Variants in COL21A1 observed in about 807,000 individuals in gnomAD.
COL21A1 encodes collagen alpha-1(XXI) chain.
A neutral mutation model predicts 137.9 loss-of-function variants in COL21A1; 149 were observed. The observed-to-expected ratio is 1.08, with a 90% CI of 0.95 to 1.24. The LOEUF (loss-of-function observed/expected upper bound fraction) is 1.24. Ranked by LOEUF, COL21A1 falls within the 50% of genes most tolerant of loss-of-function variation. The pLI is 0.00. For synonymous variants in COL21A1, 456 were observed against 391.5 expected (o/e 1.16, Z -1.95); for missense variants, 1,167 against 1,158.4 (o/e 1.01, Z -0.11).
intron 12 of COL21A1, among the ~76,000 whole-genome samples, chr6:56,138,850 G>C (rs1315277887): frequency 1.3e-5 from 2 of 152,124 alleles, no homozygotes; most frequent in Non-Finnish European, 2.9e-5. Flanking sequence ...AGGAAGTGGG[G>C]AGGTTTGGGT....
intron 1 of COL21A1, among the ~76,000 whole-genome samples, chr6:56,297,602 C>A (rs72866990): frequency 0.014 from 2,055 of 152,202 alleles, 22 homozygotes; most frequent in Non-Finnish European, 0.021. Context: ...GCTTCATGAG[C>A]AACTGGCTGT....
Position 56,057,679 on chromosome 6 carries a change from A to C in COL21A1, c.2852T>G (p.Phe951Cys). The change falls in exon 30 of 30, where the codon TTC becomes TGC. Residue 951 changes from phenylalanine to cysteine, a missense_variant. Transcript: ENST00000244728. ...CFSVIARRDPFRKGPNY is the reference protein window; with the variant it reads ...CFSVIARRDPCRKGPNY ...ACACTAATAGTTTGGTCCTTTTCTG[A>C]ACGGATCTCTTCTGGCAATTACACT... The C allele has an allele frequency of 6.2e-7, 1 of 1,613,208 alleles. No individual in the cohort carries two copies. Among genetic ancestry groups the C allele is most frequent in the African/African-American group, 1.3e-5 (1 of 74,992 alleles).
chr6:56,074,349 A>G, intron 19 of COL21A1, 64 bp from the exon 20 acceptor site: 1 of 1,081,856 alleles, frequency 9.2e-7, no homozygotes, highest in Non-Finnish European at 1.4e-6. Context: ...TATTAAATCA[A>G]TTTCCAAGTT....
chr6:56,306,008 G>T (rs1336236497), intron 1 of COL21A1, among the ~76,000 whole-genome samples: 1 of 112,476 alleles, frequency 8.9e-6, no homozygotes, highest in Admixed American at 1.1e-4. Context: ...TAGTTTGGCT[G>T]GATATGAAAT....
chr6:56,057,439 G>A lies in COL21A1; in HGVS notation c.*218C>T, dbSNP rs971363756. 5.6e-6 allele frequency: 3 copies of A among 535,896 alleles called. No homozygotes were observed. The African/African-American group carries it at 6.0e-5, about 11-fold the overall frequency. 33.2% of individuals were successfully genotyped at this position (535,896 alleles called of 1,614,324 possible). ...AATGGACTTTACAAGAAACCCTTGAGATTTAATTAATGCTGCTAATCCAAG... is the reference window on the plus strand; with the variant it reads ...AATGGACTTTACAAGAAACCCTTGAAATTTAATTAATGCTGCTAATCCAAG... On this transcript the variant is annotated 3_prime_UTR_variant, in exon 30 of 30. Transcript: ENST00000244728.
chr6:56,211,475 C>T (rs1780173642), intron 1 of COL21A1, among the ~76,000 whole-genome samples: 1 of 151,794 alleles, frequency 6.6e-6, no homozygotes, highest in African/African-American at 2.4e-5. Flanking sequence ...TTAGGTGTGG[C>T]CAATAGCAGC....
intron 1 of COL21A1, among the ~76,000 whole-genome samples, chr6:56,323,080 T>A (rs967139590): frequency 1.3e-5 from 2 of 152,082 alleles, no homozygotes; most frequent in African/African-American, 4.8e-5. Context: ...CAATGTACAC[T>A]ATTTGCGTGA....
In COL21A1 at chr6:56,365,262, T is replaced by G. The variant is rs533097044; in HGVS notation, c.-39+28709A>C. ...GAATAAATCATCTTATCCTCTGTAT[T>G]GTCGAATATTCCCCCACATAAAAGC... On this transcript the variant is annotated intron_variant, in intron 1 of 28. Coordinates refer to the COL21A1 transcript ENST00000370819. Among the ~76,000 whole-genome samples the G allele has an allele frequency of 3.3e-5, 5 of 152,312 alleles. No individual in the cohort carries two copies. The South Asian group carries it at 1.0e-3, about 32-fold the overall frequency.
At chr6:56,147,381 T>C (rs80348647) in intron 10 of COL21A1, among the ~76,000 whole-genome samples, 2,627 of 151,806 alleles carry the variant, frequency 0.017, 87 homozygotes, top group African/African-American at 0.061. Flanking sequence ...TTTTTTCTGT[T>C]TTGTTCATTG....
intron 17 of COL21A1, chr6:56,078,287 T>G (rs1188362679): frequency 8.9e-6 from 4 of 449,656 alleles, no homozygotes; most frequent in Non-Finnish European, 1.3e-5. Context: ...GTCTGCCTTT[T>G]GATGCATTTA....
intron 1 of COL21A1, among the ~76,000 whole-genome samples, chr6:56,386,592 T>C (rs2094018724): frequency 1.1e-5 from 1 of 91,812 alleles, no homozygotes. Context: ...ATAAAACTTG[T>C]TGTTGTTGTT....
chr6:56,194,052 TGA>T (rs1302239412), intron 1 of COL21A1, among the ~76,000 whole-genome samples: 1 of 152,166 alleles, frequency 6.6e-6, no homozygotes, highest in East Asian at 1.9e-4. Context: ...GCATTTTTGG[TGA>T]GTCATCACCA....
chr6:56,186,004 A>G (rs1218236922), intron 1 of COL21A1, among the ~76,000 whole-genome samples: 1 of 152,138 alleles, frequency 6.6e-6, no homozygotes, highest in Non-Finnish European at 1.5e-5. Context: ...TAAAAAGAAA[A>G]CCTAGACAAA....
intron 1 of COL21A1, among the ~76,000 whole-genome samples, chr6:56,277,701 A>C (rs1474800876): frequency 6.6e-6 from 1 of 152,206 alleles, no homozygotes; most frequent in Non-Finnish European, 1.5e-5. Flanking sequence ...TTTAAATCAC[A>C]TTTTGGGTAA....
chr6:56,058,804 A>T (rs1765547553), intron 29 of COL21A1, among the ~76,000 whole-genome samples: 1 of 152,164 alleles, frequency 6.6e-6, no homozygotes, highest in Non-Finnish European at 1.5e-5. Context: ...GGCAGAGTTA[A>T]ACTGCACAGC....
intron 9 of COL21A1, among the ~76,000 whole-genome samples, chr6:56,159,245 C>T (rs952193071): frequency 2.6e-5 from 4 of 152,000 alleles, no homozygotes; most frequent in African/African-American, 7.3e-5. Flanking sequence ...TCTTAAATCA[C>T]TTATTCATAA....
intron 1 of COL21A1, among the ~76,000 whole-genome samples, chr6:56,332,782 A>C (rs947513391): frequency 6.6e-6 from 1 of 152,000 alleles, no homozygotes; most frequent in Non-Finnish European, 1.5e-5. Flanking sequence ...AAAAATAAAA[A>C]CTTCTAAATG....
chr6:56,196,761 T>G (rs747333166), intron 1 of COL21A1, among the ~76,000 whole-genome samples: 3 of 152,052 alleles, frequency 2.0e-5, no homozygotes, highest in Non-Finnish European at 4.4e-5. Context: ...GATATCCATG[T>G]TCATGAATTG....
Position 56,182,186 on chromosome 6 carries a change from A to G in COL21A1, c.88+345T>C, listed in dbSNP as rs79664004. On this transcript the variant is annotated intron_variant, in intron 2 of 29. Coordinates refer to ENST00000244728, the MANE Select transcript of COL21A1 (RefSeq NM_030820.4). ...TGAGATGTACTGTGCTAAGCCTTTG[A>G]CATGCATTATCTCATTCAGTCCTGA... Among the ~76,000 whole-genome samples the G allele has an allele frequency of 8.2e-3, 1,253 of 152,274 alleles. 20 individuals are homozygous for G. The highest frequency in any genetic ancestry group is 0.029 in the African/African-American group (1,208 of 41,566).
Sources: allele counts gnomAD v4.1 joint callset (sites outside exome capture counted in the v4.1 genomes callset), GRCh38; gene constraint gnomAD v4.1.1; transcripts MANE v1.5; gene names NCBI Gene and HGNC (gene_info 2026-07-23, HGNC 2026-07-21).